The following USP34 variants were observed in gnomAD, a reference collection of about 807,000 sequenced individuals.
USP34 encodes the protein ubiquitin carboxyl-terminal hydrolase 34.
A neutral mutation model predicts 460.3 loss-of-function variants in USP34; 70 were observed. The observed-to-expected ratio is 0.15, with a 90% confidence interval of 0.13 to 0.19. USP34 has a LOEUF of 0.19. Among genes scored for constraint, USP34 ranks in the 10% least tolerant of loss-of-function variants. The pLI is 1.00. For missense variants in USP34, 3,985 were observed against 4,236.2 expected, an observed-to-expected ratio of 0.94 and a Z score of 1.65; for synonymous variants, 1,647 against 1,405.3, an observed-to-expected ratio of 1.17 and a Z score of -3.85.
At chr2:61,354,749 G>C (rs1185655912) in intron 10 of USP34, among the ~76,000 whole-genome samples, 1 of 152,202 alleles carries the variant, frequency 6.6e-6, no homozygotes, top group African/African-American at 2.4e-5. Flanking sequence ...GCAACATGTG[G>C]AGGAACTGAA....
intron 27 of USP34, among the ~76,000 whole-genome samples, chr2:61,307,136 T>TA (rs1690434687): frequency 6.6e-6 from 1 of 151,750 alleles, no homozygotes; most frequent in Non-Finnish European, 1.5e-5. Context: ...TATGCAGCCA[T>TA]AAAAAAGGAT....
intron 29 of USP34, among the ~76,000 whole-genome samples, chr2:61,298,645 CA>C (rs1346580485): frequency 7.0e-6 from 1 of 142,798 alleles, no homozygotes; most frequent in East Asian, 2.3e-4. Context: ...AGCCTATTAA[CA>C]TAACAGCCCA....
At chr2:61,298,629 C>G (rs1020338693) in intron 29 of USP34, among the ~76,000 whole-genome samples, 14 of 143,830 alleles carry the variant, frequency 9.7e-5, no homozygotes, top group African/African-American at 2.6e-4. Context: ...CTCAGACTAA[C>G]GTAACAGCCT....
intron 2 of USP34, among the ~76,000 whole-genome samples, chr2:61,411,993 C>G (rs965010196): frequency 2.3e-4 from 35 of 151,754 alleles, no homozygotes; most frequent in African/African-American, 8.5e-4. Flanking sequence ...AGTTTGAGAT[C>G]AGCCTGACCA....
intron 20 of USP34, among the ~76,000 whole-genome samples, chr2:61,329,491 A>T (rs1558532912): frequency 6.6e-6 from 1 of 152,234 alleles, no homozygotes; most frequent in Non-Finnish European, 1.5e-5. Context: ...GGAACTTTGT[A>T]AGCAAAGCTA....
intron 1 of USP34, among the ~76,000 whole-genome samples, chr2:61,455,015 G>A (rs1350598384): frequency 6.6e-6 from 1 of 151,552 alleles, no homozygotes; most frequent in Non-Finnish European, 1.5e-5. Flanking sequence ...GCAAGCAGCT[G>A]GGATTACAGG....
intron 41 of USP34, among the ~76,000 whole-genome samples, chr2:61,275,491 G>C (rs967114252): frequency 6.6e-6 from 1 of 151,956 alleles, no homozygotes; most frequent in Admixed American, 6.6e-5. Context: ...GGGTGTGATG[G>C]CGTATGCCTA....
chr2:61,189,142 C>T, intron 78 of USP34, 73 bp from the exon 79 acceptor site: 1 of 1,469,780 alleles, frequency 6.8e-7, no homozygotes, highest in East Asian at 2.3e-5. Context: ...CAGTTAATTG[C>T]AGATGTTTAT....
In USP34 at chr2:61,214,252, G is replaced by C; in HGVS notation, c.8490C>G (p.Ala2830=). 2 of 1,614,188 alleles carry C rather than the reference G, an allele frequency of 1.2e-6. No homozygotes were observed. Among genetic ancestry groups the C allele is most frequent in the Non-Finnish European group, 8.5e-7 (1 of 1,180,034 alleles). Residue 2830 remains alanine, a synonymous_variant, in exon 68 of 80, where the codon GCC becomes GCG. Coordinates refer to ENST00000398571, the MANE Select transcript of USP34 (RefSeq NM_014709.4). The part of the protein sequence containing the change: ...VQNPVVTKNI[A]FNYILADHDD... ...CATGGTCAGCAAGGATGTAATTGAA[G>C]GCAATGTTCTTGGTTACCACTGGGT...
intron 16 of USP34, among the ~76,000 whole-genome samples, 159 bp from the exon 17 acceptor site, chr2:61,339,840 GT>G (rs112162554): frequency 2.8e-5 from 4 of 144,092 alleles, no homozygotes; most frequent in East Asian, 2.0e-4. Context: ...TTTTGTTTTT[GT>G]TTTTTTTTTA....
At chr2:61,466,365 T>C (rs573499921) in intron 1 of USP34, among the ~76,000 whole-genome samples, 1 of 151,636 alleles carries the variant, frequency 6.6e-6, no homozygotes, top group Non-Finnish European at 1.5e-5. Flanking sequence ...GCGGAGGCTG[T>C]AGTGACCCAA....
intron 20 of USP34, among the ~76,000 whole-genome samples, chr2:61,327,083 G>A (rs536978768): frequency 6.6e-6 from 1 of 152,046 alleles, no homozygotes; most frequent in Non-Finnish European, 1.5e-5. Flanking sequence ...ACTGTGCACA[G>A]CCTGGGCATC....
At chr2:61,213,026 G>T (rs983102410) in intron 68 of USP34, among the ~76,000 whole-genome samples, 7 of 152,058 alleles carry the variant, frequency 4.6e-5, no homozygotes, top group African/African-American at 1.4e-4. Flanking sequence ...GCATTGTAGG[G>T]ATTCTGATTT....
rs375031263 is a variant in USP34, at chr2:61,243,307, C to T, written c.6628-1488G>A. Among the ~76,000 whole-genome samples, 20 of 152,132 alleles carry T rather than the reference C, an allele frequency of 1.3e-4. No homozygotes were observed. In the South Asian group the frequency reaches 3.5e-3, roughly 27 times the overall value. ...GACTACAGGCACCCGCCACCACGCC[C>T]GGCTAATTTTTACATTTTTAGTGGA... is the stretch of plus-strand genomic sequence containing the variant. On this transcript the variant is annotated intron_variant, in intron 51 of 79. Coordinates refer to ENST00000398571, the MANE Select transcript of USP34 (RefSeq NM_014709.4).
chr2:61,458,248 C>T (rs1695494474), intron 1 of USP34, among the ~76,000 whole-genome samples: 2 of 152,006 alleles, frequency 1.3e-5, no homozygotes, highest in South Asian at 4.2e-4. Context: ...TCATTTCAGT[C>T]AAAACTTAAA....
At chr2:61,408,889 C>T (rs1693958225) in intron 2 of USP34, among the ~76,000 whole-genome samples, 1 of 151,598 alleles carries the variant, frequency 6.6e-6, no homozygotes, top group South Asian at 2.1e-4. Flanking sequence ...GTGAGACACT[C>T]CCTCTCAAAA....
intron 62 of USP34, among the ~76,000 whole-genome samples, chr2:61,224,241 G>A (rs975964671): frequency 6.6e-6 from 1 of 152,186 alleles, no homozygotes; most frequent in Admixed American, 6.5e-5. Flanking sequence ...CCAGCTTTGT[G>A]TTTGCAATTT....
At position 61,204,243 on chromosome 2, in the gene USP34, C is replaced by T; in HGVS notation, c.9384+13G>A. 6.2e-7 allele frequency: 1 copy of T among 1,613,940 alleles called. No homozygotes were observed. The highest frequency in any genetic ancestry group is 8.5e-7 in the Non-Finnish European group (1 of 1,179,928). ...ACTATAGCAACATGGATTTTCCTGG[C>T]ATCCCAACATACCTTACTGGTTTCC... On this transcript the variant is annotated intron_variant, in intron 74 of 79. Transcript: ENST00000398571.
intron 2 of USP34, chr2:61,417,345 A>T (rs902121071): frequency 3.2e-6 from 2 of 622,238 alleles, no homozygotes; most frequent in African/African-American, 3.6e-5. Flanking sequence ...GACCCCCATA[A>T]GGAAAGGAAT....
Sources: allele counts gnomAD v4.1 joint callset (sites outside exome capture counted in the v4.1 genomes callset), GRCh38; gene constraint gnomAD v4.1.1; transcripts MANE v1.5; gene names NCBI Gene and HGNC (gene_info 2026-07-23, HGNC 2026-07-21).